NPLOC4: variants seen among roughly 807,000 people sequenced by gnomAD.
The protein encoded by NPLOC4 is nuclear protein localization protein 4 homolog.
A neutral mutation model predicts 80.6 loss-of-function variants in NPLOC4; 18 were observed. The ratio of observed to expected loss-of-function variants is 0.22; its 90% CI spans 0.15 to 0.33. The LOEUF (loss-of-function observed/expected upper bound fraction) is 0.33, where lower values mean the gene tolerates loss of function less well. Among genes scored for constraint, NPLOC4 ranks in the 10% least tolerant of loss-of-function variants. The pLI is 1.00. For missense variants in NPLOC4, 540 were observed against 786.1 expected (o/e 0.69, Z 3.74); for synonymous variants, 313 against 301.5 (o/e 1.04, Z -0.39).
chr17:81,582,598 TTGCTA>T (rs1190114052), intron 12 of NPLOC4, among the ~76,000 whole-genome samples: 1 of 152,194 alleles, frequency 6.6e-6, no homozygotes, highest in Admixed American at 6.5e-5. Flanking sequence ...AAATGAGGTC[TTGCTA>T]TGTCACACAG....
chr17:81,560,187 G>A (rs527773890), intron 16 of NPLOC4, among the ~76,000 whole-genome samples: 1 of 151,758 alleles, frequency 6.6e-6, no homozygotes, highest in Non-Finnish European at 1.5e-5. Context: ...GGAGGCCGAG[G>A]CGGGTGGATC....
At position 81,577,174 on chromosome 17, in the gene NPLOC4, C is replaced by T. The variant is rs79020017; in HGVS notation, c.1282-5086G>A. Among the ~76,000 whole-genome samples the T allele has an allele frequency of 5.6e-3, 853 of 152,210 alleles. 10 individuals are homozygous for T. Among genetic ancestry groups the T allele is most frequent in the African/African-American group, 0.02 (819 of 41,510 alleles). On this transcript the variant is annotated intron_variant, in intron 12 of 16. Transcript: ENST00000331134. This position sits in a 1 kb window ranked among gnomAD's most constrained non-coding sequence, Gnocchi z 4.3. The stretch of plus-strand genomic sequence containing the variant: ...CTCCACAGCTGGCTCCTTGAAGGAA[C>T]GCTGTTCCCTTGCTGCTCCTATGTC...
rs570561026 is a variant in NPLOC4, at chr17:81,570,283, G to A, written c.1354-1172C>T. 2.3e-3 allele frequency among the ~76,000 whole-genome samples: 355 copies of A among 152,340 alleles called. 2 individuals are homozygous for A. Among genetic ancestry groups the A allele is most frequent in the African/African-American group, 8.2e-3 (343 of 41,580 alleles). On this transcript the variant is annotated intron_variant, in intron 13 of 16. Transcript: ENST00000331134. ...GCCTCACTTTACTCTTCCTCAGGAT[G>A]AAGATGATCGGAGTACTCGCCTCCT...
chr17:81,565,234 G>C (rs1217973778), intron 16 of NPLOC4: 7 of 655,470 alleles, frequency 1.1e-5, no homozygotes, highest in African/African-American at 1.8e-5. Context: ...AGGATGCCTG[G>C]AGATTAGTAT....
chr17:81,566,279 C>A (rs529070773), intron 15 of NPLOC4: 1 of 152,248 alleles, frequency 6.6e-6, no homozygotes, highest in Non-Finnish European at 1.5e-5. Flanking sequence ...TTGCAGTAAG[C>A]CAAGATTGCG....
At chr17:81,620,268 C>T (rs2035629835) in intron 3 of NPLOC4, among the ~76,000 whole-genome samples, 1 of 152,120 alleles carries the variant, frequency 6.6e-6, no homozygotes, top group Middle Eastern at 3.2e-3. Flanking sequence ...AAGGCCAAGG[C>T]GGGTGGATCA....
intron 16 of NPLOC4, chr17:81,562,332 A>T (rs1014909645): frequency 1.4e-4 from 22 of 152,334 alleles, no homozygotes; most frequent in African/African-American, 5.1e-4. Context: ...TGAGGTCAGG[A>T]GTTTGAGACC....
At chr17:81,561,675 T>TC (rs988871292) in intron 16 of NPLOC4, 3 of 152,208 alleles carry the variant, frequency 2.0e-5, no homozygotes, top group African/African-American at 7.2e-5. Flanking sequence ...CTCGACCTCC[T>TC]GACTCATGGG....
At chr17:81,581,601 A>C (rs1194098493) in intron 12 of NPLOC4, among the ~76,000 whole-genome samples, 1 of 151,922 alleles carries the variant, frequency 6.6e-6, no homozygotes, top group Non-Finnish European at 1.5e-5. Flanking sequence ...CACCAAGGCC[A>C]CCTCTCCTCA....
Position 81,585,170 on chromosome 17 carries a change from CAAAAAAAAAA to C in NPLOC4, c.1281+3764_1281+3773del, listed in dbSNP as rs35473939. Among the ~76,000 whole-genome samples the C allele has an allele frequency of 5.3e-3, 215 of 40,876 alleles. 2 individuals are homozygous for C. Among genetic ancestry groups the C allele is most frequent in the African/African-American group, 0.027 (203 of 7,626 alleles). The allele number at this position is 40,876 out of a possible 152,430, so 26.8% of individuals were successfully genotyped here. A position where few individuals can be genotyped will look rare whatever the true frequency, so the allele number is the denominator to read the frequency against. ...GGGCGACAGAACGAGACTCTGTCGC[CAAAAAAAAAA>C]AAAAAAAAAAAAAAAGAGTATGGTA... On this transcript the variant is annotated intron_variant, in intron 12 of 16. Transcript: ENST00000331134.
chr17:81,621,853 G>A (rs947684581), intron 3 of NPLOC4, among the ~76,000 whole-genome samples: 7 of 152,166 alleles, frequency 4.6e-5, no homozygotes, highest in African/African-American at 1.7e-4. Flanking sequence ...CTGTGTTCAA[G>A]GTCTTTCACT....
chr17:81,571,154 G>A (rs1021713403), intron 13 of NPLOC4, among the ~76,000 whole-genome samples: 4 of 152,166 alleles, frequency 2.6e-5, no homozygotes, highest in Non-Finnish European at 5.9e-5. Context: ...GGCTTGGCTC[G>A]TGGGGACCTG....
At chr17:81,585,324 G>A (rs1398908566) in intron 12 of NPLOC4, among the ~76,000 whole-genome samples, 2 of 152,016 alleles carry the variant, frequency 1.3e-5, no homozygotes, top group African/African-American at 4.8e-5. Context: ...ACAAAAGTTT[G>A]CTTTTATTCC....
intron 1 of NPLOC4, 87 bp downstream of exon 1, chr17:81,636,829 G>A (rs964709738): frequency 5.4e-6 from 7 of 1,284,472 alleles, no homozygotes; most frequent in Non-Finnish European, 6.9e-6. Flanking sequence ...TCGCGGCGCC[G>A]GCAGGCCCGC....
intron 8 of NPLOC4, among the ~76,000 whole-genome samples, chr17:81,603,082 T>C (rs1452057470): frequency 2.7e-5 from 4 of 150,570 alleles, no homozygotes; most frequent in South Asian, 2.1e-4. Flanking sequence ...GGCAGGAGGA[T>C]TGCTTGAGCC....
chr17:81,590,651 C>T (rs2034713559), intron 11 of NPLOC4, among the ~76,000 whole-genome samples: 1 of 151,454 alleles, frequency 6.6e-6, no homozygotes, highest in South Asian at 2.1e-4. Flanking sequence ...CAGCCCTCAA[C>T]ATTTGTTATA....
chr17:81,622,406 C>T (rs541000341), intron 2 of NPLOC4, 128 bp from the exon 3 acceptor site: 5 of 715,748 alleles, frequency 7.0e-6, no homozygotes, highest in Non-Finnish European at 1.2e-5. Context: ...TACCAAATTC[C>T]TCTTGCTATT....
intron 16 of NPLOC4, chr17:81,565,090 G>C (rs2033969822): frequency 3.5e-6 from 2 of 575,338 alleles, no homozygotes; most frequent in Non-Finnish European, 6.2e-6. Context: ...CAACAACATG[G>C]ATGCTGCAGG....
chr17:81,582,464 C>A (rs1034103160), intron 12 of NPLOC4, among the ~76,000 whole-genome samples: 2 of 152,194 alleles, frequency 1.3e-5, no homozygotes, highest in Non-Finnish European at 2.9e-5. Flanking sequence ...TACAGTGGTA[C>A]AATCATAGCT....
Sources: allele counts gnomAD v4.1 joint callset (sites outside exome capture counted in the v4.1 genomes callset), GRCh38; gene constraint gnomAD v4.1.1; non-coding constraint Gnocchi (gnomAD v3.1); transcripts MANE v1.5; gene names NCBI Gene and HGNC (gene_info 2026-07-23, HGNC 2026-07-21).